The following BCL2 variants were observed in gnomAD, a reference collection of about 807,000 sequenced individuals.
BCL2 encodes BCL2 apoptosis regulator.
Under a neutral mutation model 14.2 loss-of-function variants are expected in BCL2, and 1 was observed. That is an observed-to-expected ratio of 0.07 (90% CI 0.02 to 0.33). The LOEUF (loss-of-function observed/expected upper bound fraction) is 0.33, where lower values mean the gene tolerates loss of function less well. Ranked by LOEUF, BCL2 falls within the 10% of genes least tolerant of loss-of-function variation. The pLI is 0.99. For synonymous variants in BCL2, 151 were observed against 137.2 expected, an observed-to-expected ratio of 1.10 and a Z score of -0.70; for missense variants, 247 against 305.9, an observed-to-expected ratio of 0.81 and a Z score of 1.44.
Position 63,189,117 on chromosome 18 carries a change from AGC to A in BCL2, c.586-60360_586-60359del, listed in dbSNP as rs1915659719. Among the ~76,000 whole-genome samples, 18 of 150,832 alleles carry A rather than the reference AGC, an allele frequency of 1.2e-4. No individual in the cohort carries two copies. In the South Asian group the frequency reaches 3.6e-3, roughly 30 times the overall value. ...ACCAAGACAAAGGCTATGTAAACTTAGCATTTTCAAAATTAAGGTCAAAGCGC... is the reference window on the plus strand; with the variant it reads ...ACCAAGACAAAGGCTATGTAAACTTAATTTTCAAAATTAAGGTCAAAGCGC... On this transcript the variant is annotated intron_variant, in intron 2 of 2. Transcript: ENST00000333681.
At chr18:63,303,712 C>A (rs936385847) in intron 2 of BCL2, among the ~76,000 whole-genome samples, 1 of 152,102 alleles carries the variant, frequency 6.6e-6, no homozygotes, top group Non-Finnish European at 1.5e-5. Flanking sequence ...AATCTCCTAT[C>A]CCTAAAAGTG....
intron 2 of BCL2, among the ~76,000 whole-genome samples, chr18:63,150,480 CTT>C (rs1914627219): frequency 6.6e-6 from 1 of 152,186 alleles, no homozygotes. Context: ...TACGTCTTCT[CTT>C]GTTTTTCTTT....
Position 63,174,752 on chromosome 18 carries a change from G to A in BCL2, c.586-45993C>T, listed in dbSNP as rs8097683. Among the ~76,000 whole-genome samples, 965 of 149,282 alleles carry A rather than the reference G, an allele frequency of 6.5e-3. 14 individuals carry two copies. Among genetic ancestry groups the A allele is most frequent in the African/African-American group, 0.023 (921 of 40,048 alleles). On this transcript the variant is annotated intron_variant, in intron 2 of 2. Coordinates refer to ENST00000333681, the MANE Select transcript of BCL2 (RefSeq NM_000633.3). ...GGAGAATTGCTTGAACCCAGGAGGC[G>A]GAAGTTGCAGGGAGTCGAGATCATG...
At chr18:63,169,837 G>A (rs1397893686) in intron 2 of BCL2, among the ~76,000 whole-genome samples, 1 of 151,730 alleles carries the variant, frequency 6.6e-6, no homozygotes, top group Non-Finnish European at 1.5e-5. Flanking sequence ...TTCTTTAAGG[G>A]GTAGATGCCG....
chr18:63,286,989 C>T (rs1026534368), intron 2 of BCL2, among the ~76,000 whole-genome samples: 17 of 152,300 alleles, frequency 1.1e-4, no homozygotes, highest in Admixed American at 1.1e-3. Flanking sequence ...CATTCAACAG[C>T]AAAACTGTCC....
chr18:63,307,288 G>A (rs1244968368), intron 2 of BCL2, among the ~76,000 whole-genome samples: 1 of 152,192 alleles, frequency 6.6e-6, no homozygotes, highest in Non-Finnish European at 1.5e-5. Flanking sequence ...AGTCATGGGT[G>A]ATGCCCTTTA....
intron 2 of BCL2, among the ~76,000 whole-genome samples, chr18:63,305,635 T>C (rs1913104903): frequency 6.6e-6 from 1 of 152,202 alleles, no homozygotes; most frequent in Non-Finnish European, 1.5e-5. Flanking sequence ...AAAAATTCTA[T>C]GAAAACTGCC....
chr18:63,146,781 A>G (rs1914525513), intron 2 of BCL2, among the ~76,000 whole-genome samples: 2 of 152,162 alleles, frequency 1.3e-5, no homozygotes, highest in African/African-American at 4.8e-5. Flanking sequence ...AAGTATTAGG[A>G]TCACGCCTGG....
chr18:63,290,582 T>C (rs1912618615), intron 2 of BCL2, among the ~76,000 whole-genome samples: 1 of 152,178 alleles, frequency 6.6e-6, no homozygotes, highest in South Asian at 2.1e-4. Flanking sequence ...GTAAGGACCA[T>C]CACAGTAATC....
intron 2 of BCL2, among the ~76,000 whole-genome samples, chr18:63,212,326 TCAAA>T (rs576934995): frequency 3.3e-5 from 5 of 151,146 alleles, no homozygotes; most frequent in Admixed American, 6.6e-5. Flanking sequence ...AGACTCTGTC[TCAAA>T]CAAACAAACA....
intron 2 of BCL2, among the ~76,000 whole-genome samples, chr18:63,218,777 T>A: frequency 2.2e-4 from 2 of 9,010 alleles, no homozygotes; most frequent in South Asian, 3.0e-3. Flanking sequence ...CTCATCCCCA[T>A]CCTCCACTCA....
chr18:63,318,836 T>C lies in BCL2; in HGVS notation c.-170A>G. 1 of 1,411,896 alleles carries C rather than the reference T, an allele frequency of 7.1e-7. No homozygotes were observed. Among genetic ancestry groups the C allele is most frequent in the Non-Finnish European group, 9.2e-7 (1 of 1,081,588 alleles). The allele number at this position is 1,411,896 out of a possible 1,614,324, so 87.5% of individuals were successfully genotyped here. On this transcript the variant is annotated 5_prime_UTR_variant, in exon 2 of 3. Coordinates refer to ENST00000333681, the MANE Select transcript of BCL2 (RefSeq NM_000633.3). This position sits in a 1 kb window ranked among gnomAD's most constrained non-coding sequence, Gnocchi z 7.4. ...CACGCGGAACACTTGATTCTGGTGT[T>C]TCCCCCTTGGCATGAGATGCAGGAA...
intron 2 of BCL2, among the ~76,000 whole-genome samples, chr18:63,288,059 A>G (rs1035464985): frequency 7.9e-5 from 12 of 152,226 alleles, no homozygotes; most frequent in Non-Finnish European, 1.5e-5. Context: ...GGACATTTTG[A>G]TTTTGGAACA....
chr18:63,297,086 G>A (rs925964807), intron 2 of BCL2, among the ~76,000 whole-genome samples: 72 of 152,182 alleles, frequency 4.7e-4, no homozygotes, highest in African/African-American at 1.7e-3. Context: ...GGTGGCGGGC[G>A]CCTGTAGTCC....
intron 2 of BCL2, among the ~76,000 whole-genome samples, chr18:63,195,969 G>A (rs1431641573): frequency 6.6e-6 from 1 of 152,200 alleles, no homozygotes; most frequent in Non-Finnish European, 1.5e-5. Flanking sequence ...CATGCAGGAG[G>A]GGAATAAGAG....
intron 2 of BCL2, among the ~76,000 whole-genome samples, chr18:63,212,090 G>GAT (rs879486064): frequency 0.016 from 2,368 of 151,862 alleles, 40 homozygotes; most frequent in Non-Finnish European, 0.024. Flanking sequence ...CACTTTGGGA[G>GAT]GCTGAGGCAG....
At chr18:63,251,947 T>C (rs4987747) in intron 2 of BCL2, among the ~76,000 whole-genome samples, 8 of 152,126 alleles carry the variant, frequency 5.3e-5, no homozygotes, top group East Asian at 2.0e-4. Context: ...GATCTACCCA[T>C]GTCGACCTCC....
At chr18:63,231,927 C>A (rs1910699287) in intron 2 of BCL2, among the ~76,000 whole-genome samples, 2 of 151,906 alleles carry the variant, frequency 1.3e-5, no homozygotes, top group Non-Finnish European at 2.9e-5. Flanking sequence ...AAGACATATA[C>A]AATATACTTA....
chr18:63,306,143 C>T (rs909245227), intron 2 of BCL2, among the ~76,000 whole-genome samples: 10 of 152,140 alleles, frequency 6.6e-5, no homozygotes, highest in African/African-American at 2.4e-4. Context: ...AGAACAATGA[C>T]CACATTCTTT....
Sources: gnomAD v4.1 joint callset for allele counts (sites outside exome capture counted in the v4.1 genomes callset) on GRCh38, gnomAD v4.1.1 for gene constraint, Gnocchi (gnomAD v3.1) non-coding constraint, MANE v1.5 for transcripts, NCBI Gene and HGNC (gene_info 2026-07-23, HGNC 2026-07-21) for gene names.